PACS1: variants seen among roughly 807,000 people sequenced by gnomAD.
PACS1 encodes the protein phosphofurin acidic cluster sorting protein 1, also known as PACS-1.
Under a neutral mutation model 115.0 loss-of-function variants are expected in PACS1, and 24 were observed. The ratio of observed to expected loss-of-function variants is 0.21; its 90% CI spans 0.15 to 0.29. PACS1 has a LOEUF of 0.29. PACS1 is among the 10% of genes least tolerant of loss of function. PACS1 has a pLI of 1.00. For synonymous variants in PACS1, 453 were observed against 504.5 expected (o/e 0.90, Z 1.37); for missense variants, 838 against 1,251.2 (o/e 0.67, Z 4.98).
At chr11:66,224,304 G>T (rs932692783) in intron 10 of PACS1, among the ~76,000 whole-genome samples, 9 of 151,824 alleles carry the variant, frequency 5.9e-5, no homozygotes, top group African/African-American at 2.2e-4. Flanking sequence ...GAGCTTCTGA[G>T]TTTGAGTCTT....
At chr11:66,180,481 A>G (rs998439712) in intron 1 of PACS1, among the ~76,000 whole-genome samples, 1 of 151,810 alleles carries the variant, frequency 6.6e-6, no homozygotes, top group Non-Finnish European at 1.5e-5. Flanking sequence ...CAGCTTCCTG[A>G]GTAGCTGGGA....
At position 66,230,544 on chromosome 11, in the gene PACS1, G is replaced by A. The variant is rs766187894; in HGVS notation, c.1375-4G>A. ...TCTTCACTGTTTCCTCTCCTCCATG[G>A]TAGGAAATCACTGACCAGGACATGT... is the stretch of plus-strand genomic sequence containing the variant. On this transcript the variant is annotated splice_polypyrimidine_tract_variant and splice_region_variant and intron_variant, in intron 11 of 23. Transcript: ENST00000320580. 14 of 1,610,132 alleles carry A rather than the reference G, an allele frequency of 8.7e-6. 1 individual carries two copies. The Middle Eastern group carries it at 6.6e-4, about 76-fold the overall frequency.
At chr11:66,075,442 G>C (rs1475990802) in intron 1 of PACS1, among the ~76,000 whole-genome samples, 1 of 151,878 alleles carries the variant, frequency 6.6e-6, no homozygotes, top group Non-Finnish European at 1.5e-5. Context: ...GGGTCTTGCT[G>C]TGTTGCCCAG....
intron 1 of PACS1, among the ~76,000 whole-genome samples, chr11:66,186,889 C>T (rs1854388158): frequency 6.6e-6 from 1 of 152,204 alleles, no homozygotes; most frequent in Admixed American, 6.5e-5. Context: ...AGGGCTCCCT[C>T]ATATCCCTTC....
intron 1 of PACS1, among the ~76,000 whole-genome samples, chr11:66,164,402 G>A (rs117346560): frequency 4.2e-4 from 64 of 151,176 alleles, no homozygotes; most frequent in Non-Finnish European, 8.6e-4. Flanking sequence ...TATGTCATTT[G>A]TCCTGTATGT....
chr11:66,182,569 C>G (rs942622420), intron 1 of PACS1, among the ~76,000 whole-genome samples: 6 of 151,996 alleles, frequency 3.9e-5, no homozygotes, highest in African/African-American at 7.3e-5. Flanking sequence ...TTCATGTGAG[C>G]CTCTCACCTT....
At chr11:66,132,868 A>G (rs1858735164) in intron 1 of PACS1, among the ~76,000 whole-genome samples, 2 of 152,152 alleles carry the variant, frequency 1.3e-5, no homozygotes, top group Non-Finnish European at 2.9e-5. Context: ...GAGTTTCACC[A>G]TGTTGGCCAG....
chr11:66,198,113 C>A (rs904234440), intron 2 of PACS1, among the ~76,000 whole-genome samples: 1 of 152,232 alleles, frequency 6.6e-6, no homozygotes, highest in Non-Finnish European at 1.5e-5. Context: ...CAAGGTCTTG[C>A]TGTGTTGCCC....
At chr11:66,161,041 TTAG>T (rs1565129149) in intron 1 of PACS1, among the ~76,000 whole-genome samples, 1 of 152,066 alleles carries the variant, frequency 6.6e-6, no homozygotes, top group African/African-American at 2.4e-5. Flanking sequence ...TACCCCTCAC[TTAG>T]TGAGGATAAA....
At chr11:66,080,569 G>A (rs1050807684) in intron 1 of PACS1, among the ~76,000 whole-genome samples, 1 of 152,170 alleles carries the variant, frequency 6.6e-6, no homozygotes, top group Non-Finnish European at 1.5e-5. Flanking sequence ...TCTCAGAAGG[G>A]AAAATTGAGG....
In PACS1 at chr11:66,166,969, T is replaced by C. The variant is rs184995645; in HGVS notation, c.357-26517T>C. ...ATTGCTGGATCATGGACTTCACATA[T>C]GTTTAGCCTCAAAAGATGATGCCTA... On this transcript the variant is annotated intron_variant, in intron 1 of 23. Coordinates refer to ENST00000320580, the MANE Select transcript of PACS1 (RefSeq NM_018026.4). 4.6e-4 allele frequency among the ~76,000 whole-genome samples: 69 copies of C among 150,404 alleles called. 1 individual carries two copies. The highest frequency in any genetic ancestry group is 2.3e-3 in the South Asian group (11 of 4,818).
intron 1 of PACS1, among the ~76,000 whole-genome samples, chr11:66,072,420 C>T (rs750828394): frequency 2.6e-5 from 4 of 152,100 alleles, no homozygotes; most frequent in Non-Finnish European, 4.4e-5. Context: ...GTGGGATTGC[C>T]GCTCGCAGGG....
At chr11:66,172,365 C>T (rs1859759923) in intron 1 of PACS1, among the ~76,000 whole-genome samples, 2 of 152,210 alleles carry the variant, frequency 1.3e-5, no homozygotes, top group Non-Finnish European at 2.9e-5. Context: ...AGCGTGACTT[C>T]TGAGGCTGGG....
rs755579200 is a variant in PACS1 at position 66,233,948 on chromosome 11, G to C, written c.1993+9G>C. ...CCTCATCATCCCCCTCGGTAAAGAC[G>C]GGAGGCACCAGGAGGGCGTCGGGCA... is the stretch of plus-strand genomic sequence containing the variant. On this transcript the variant is annotated intron_variant, in intron 16 of 23. Transcript: ENST00000320580. The surrounding 1 kb of genome is among the most constrained non-coding windows in gnomAD (Gnocchi z 4.5). 1.9e-6 allele frequency: 3 copies of C among 1,568,820 alleles called. No homozygotes were observed. The highest frequency in any genetic ancestry group is 2.6e-6 in the Non-Finnish European group (3 of 1,154,326).
chr11:66,109,950 A>C (rs1858148584), intron 1 of PACS1, among the ~76,000 whole-genome samples: 1 of 152,218 alleles, frequency 6.6e-6, no homozygotes, highest in Middle Eastern at 3.2e-3. Flanking sequence ...TTCTTAAGAT[A>C]TAAACGGCAC....
chr11:66,109,195 G>C (rs1404561924), intron 1 of PACS1, among the ~76,000 whole-genome samples: 3 of 152,216 alleles, frequency 2.0e-5, no homozygotes. Context: ...CAGTAGAGGA[G>C]ACAGAGCCAG....
intron 1 of PACS1, among the ~76,000 whole-genome samples, chr11:66,101,108 G>T (rs1857907123): frequency 6.6e-6 from 1 of 152,176 alleles, no homozygotes; most frequent in African/African-American, 2.4e-5. Flanking sequence ...GACTGGCACA[G>T]AATTTAAAAA....
In PACS1 at chr11:66,169,474, G is replaced by T. The variant is rs987580690; in HGVS notation, c.357-24012G>T. 2.0e-5 allele frequency among the ~76,000 whole-genome samples: 3 copies of T among 148,806 alleles called. 1 individual carries two copies. The highest frequency in any genetic ancestry group is 1.9e-4 in the East Asian group (1 of 5,170). On this transcript the variant is annotated intron_variant, in intron 1 of 23. Transcript: ENST00000320580. ...GAATGCAGTGGCTCAATCTTGGCTC[G>T]CTGCAACCTCTGCCTCCCAGGTTCA...
intron 1 of PACS1, among the ~76,000 whole-genome samples, chr11:66,082,813 C>T (rs1857509626): frequency 6.6e-6 from 1 of 152,192 alleles, no homozygotes; most frequent in African/African-American, 2.4e-5. Flanking sequence ...CAAGATCATG[C>T]CATTGCACTC....
Sources: allele counts gnomAD v4.1 joint callset (sites outside exome capture counted in the v4.1 genomes callset), GRCh38; gene constraint gnomAD v4.1.1; non-coding constraint Gnocchi (gnomAD v3.1); transcripts MANE v1.5; gene names NCBI Gene and HGNC (gene_info 2026-07-23, HGNC 2026-07-21).